Variants in TMBIM1 observed in about 807,000 individuals in gnomAD.
The protein encoded by TMBIM1 is protein lifeguard 3.
TMBIM1 carries 34 observed loss-of-function variants against 45.1 expected under a neutral mutation model. The ratio of observed to expected loss-of-function variants is 0.75; its 90% CI spans 0.57 to 1.00. The LOEUF (loss-of-function observed/expected upper bound fraction) is 1.00. Among genes scored for constraint, TMBIM1 ranks in the 50% least tolerant of loss-of-function variants. The probability of loss-of-function intolerance (pLI) is 0.00; values close to 1 mark genes in which losing one functional copy is unlikely to be tolerated. For synonymous variants in TMBIM1, 157 were observed against 153.5 expected (o/e 1.02, Z -0.17); for missense variants, 374 against 402.4 (o/e 0.93, Z 0.60).
chr2:218,286,452 G>A (rs1423175474), intron 1 of TMBIM1: 1 of 152,126 alleles, frequency 6.6e-6, no homozygotes, highest in Non-Finnish European at 1.5e-5. Context: ...TTCAGACTGT[G>A]CCCTATCCTT....
chr2:218,281,464 A>G (rs963727722), intron 2 of TMBIM1, among the ~76,000 whole-genome samples: 4 of 152,182 alleles, frequency 2.6e-5, no homozygotes, highest in African/African-American at 9.7e-5. Flanking sequence ...AAACACAAGC[A>G]TGTCCCTGCC....
chr2:218,286,744 G>A (rs1692545182), intron 1 of TMBIM1: 1 of 152,308 alleles, frequency 6.6e-6, no homozygotes, highest in African/African-American at 2.4e-5. Flanking sequence ...GGAGGCCTGA[G>A]CTACTGGGGT....
At chr2:218,288,273 C>G (rs915028790) in intron 1 of TMBIM1, among the ~76,000 whole-genome samples, 1 of 152,034 alleles carries the variant, frequency 6.6e-6, no homozygotes, top group Non-Finnish European at 1.5e-5. Flanking sequence ...CTAAAAAATA[C>G]AAAAAATTAG....
chr2:218,276,248 T>TA (rs1191165259), intron 10 of TMBIM1, among the ~76,000 whole-genome samples, 169 bp from the exon 11 acceptor site: 13 of 152,128 alleles, frequency 8.5e-5, no homozygotes, highest in Non-Finnish European at 1.5e-4. Flanking sequence ...AGACTGGTGA[T>TA]ATATCCAGCA....
At chr2:218,277,253 G>A (rs1414612462) in intron 9 of TMBIM1, 113 bp downstream of exon 9, 2 of 1,174,638 alleles carry the variant, frequency 1.7e-6, no homozygotes, top group Non-Finnish European at 2.6e-6. Flanking sequence ...TTTTGTAGGT[G>A]CGGATGAGGA....
rs1162240901 is a variant in TMBIM1 at position 218,282,002 on chromosome 2, T to C, written c.140A>G (p.Tyr47Cys). Residue 47 changes from tyrosine (Y) to cysteine (C), a missense_variant, in exon 2 of 12, where the codon TAC becomes TGC. Tyr to Cys is a radical substitution (Grantham distance 194, BLOSUM62 -2). Coordinates refer to ENST00000258412, the MANE Select transcript of TMBIM1 (RefSeq NM_022152.6). ...CTGTGGGTAGCCAGCAGGGTGACCGTAGCCAGGCTGCGGGTAGCCAGGGTA... is the reference window on the plus strand; with the variant it reads ...CTGTGGGTAGCCAGCAGGGTGACCGCAGCCAGGCTGCGGGTAGCCAGGGTA... ...PAYPGYPQPG[Y>C]GHPAGYPQPM... 1 of 1,607,670 alleles carries C rather than the reference T, an allele frequency of 6.2e-7. No individual in the cohort carries two copies.
At chr2:218,277,302 C>T (rs1691316963) in intron 9 of TMBIM1, 64 bp downstream of exon 9, 5 of 1,474,522 alleles carry the variant, frequency 3.4e-6, no homozygotes, top group East Asian at 2.3e-5. Context: ...CCTAGTGTGC[C>T]GGGGTCCGGG....
At chr2:218,288,879 A>C (rs559213388) in intron 1 of TMBIM1, among the ~76,000 whole-genome samples, 6 of 152,292 alleles carry the variant, frequency 3.9e-5, no homozygotes, top group Non-Finnish European at 1.5e-5. Flanking sequence ...ACCTATAGTA[A>C]CTAAGGCACA....
At chr2:218,284,221 C>G (rs375337373) in intron 1 of TMBIM1, 1 of 151,676 alleles carries the variant, frequency 6.6e-6, no homozygotes, top group Admixed American at 6.6e-5. Flanking sequence ...AAACCCCAAC[C>G]GTGATGTCAC....
At chr2:218,287,997 C>T (rs774912468) in intron 1 of TMBIM1, among the ~76,000 whole-genome samples, 4 of 152,252 alleles carry the variant, frequency 2.6e-5, no homozygotes, top group African/African-American at 4.8e-5. Flanking sequence ...AAGCCATTAG[C>T]AGGCTGATGC....
intron 3 of TMBIM1, chr2:218,279,554 C>T (rs955029053): frequency 9.3e-6 from 5 of 536,582 alleles, no homozygotes; most frequent in East Asian, 3.1e-5. Flanking sequence ...CTGCCATCTC[C>T]CCTCCTGTCC....
chr2:218,277,471 T>C lies in TMBIM1; in HGVS notation c.552-18A>G. On this transcript the variant is annotated intron_variant, in intron 8 of 11. Transcript: ENST00000258412. ...GGTACATACTGGGGAGAAGCAGGAG[T>C]TACAGACAAGAGGCATTAAGCCACG... 1 of 1,613,302 alleles carries C rather than the reference T, an allele frequency of 6.2e-7. No homozygotes were observed. Among genetic ancestry groups the C allele is most frequent in the African/African-American group, 1.3e-5 (1 of 74,840 alleles).
intron 6 of TMBIM1, 161 bp downstream of exon 6, chr2:218,278,354 T>C: frequency 1.4e-6 from 1 of 719,094 alleles, no homozygotes; most frequent in Non-Finnish European, 2.4e-6. Flanking sequence ...ACACACATGG[T>C]CCTTTGTATA....
chr2:218,277,940 G>A lies in TMBIM1; in HGVS notation c.508C>T (p.Leu170Phe), dbSNP rs145538425. 10 of 1,614,078 alleles carry A rather than the reference G, an allele frequency of 6.2e-6. No homozygotes were observed. Among genetic ancestry groups the A allele is most frequent in the African/African-American group, 1.3e-5 (1 of 74,938 alleles). ...RFPWNIILLT[L>F]FTFAMGFMTG... ...TGCCACCCTTCTAGACTTACAAAAA[G>A]GGTCAGCAGAATGATGTTCCATGGG... The change falls in exon 7 of 12, where the codon CTT becomes TTT. Residue 170 changes from leucine (L) to phenylalanine (F), a missense_variant. Coordinates refer to ENST00000258412, the MANE Select transcript of TMBIM1 (RefSeq NM_022152.6).
rs749606830 is a variant in TMBIM1 at position 218,277,354 on chromosome 2, C to G, written c.639+12G>C. 15 of 1,612,242 alleles carry G rather than the reference C, an allele frequency of 9.3e-6. No homozygotes were observed. Among genetic ancestry groups the G allele is most frequent in the Non-Finnish European group, 1.3e-5 (15 of 1,178,450 alleles). On this transcript the variant is annotated intron_variant, in intron 9 of 11. Coordinates refer to ENST00000258412, the MANE Select transcript of TMBIM1 (RefSeq NM_022152.6). Reference sequence around the variant, plus strand: ...AGTCGGGGGGCCAGGGAAGGGCCCTCCATGCCCTCACCTTGGTCTGAAAGC... The same window carrying G: ...AGTCGGGGGGCCAGGGAAGGGCCCTGCATGCCCTCACCTTGGTCTGAAAGC...
Position 218,280,155 on chromosome 2 carries a change from G to C in TMBIM1, c.203-29C>G, listed in dbSNP as rs146147286. 1.4e-4 allele frequency: 217 copies of C among 1,524,562 alleles called. 2 individuals carry two copies. Among genetic ancestry groups the C allele is most frequent in the African/African-American group, 1.4e-3 (100 of 73,386 alleles). The allele number at this position is 1,524,562 out of a possible 1,614,324, so 94.4% of individuals were successfully genotyped here. The stretch of plus-strand genomic sequence containing the variant: ...GGGACAGATGACACTTGACTCAGCT[G>C]GGGACCTGAGACATGTGGCGTCAAT... On this transcript the variant is annotated intron_variant, in intron 2 of 11. Coordinates refer to ENST00000258412, the MANE Select transcript of TMBIM1 (RefSeq NM_022152.6).
intron 3 of TMBIM1, 69 bp from the exon 4 acceptor site, chr2:218,279,422 C>G: frequency 2.1e-6 from 3 of 1,426,304 alleles, no homozygotes; most frequent in Non-Finnish European, 2.8e-6. Flanking sequence ...GCTGCCAGCC[C>G]CCAGTACTTT....
chr2:218,279,475 G>C, intron 3 of TMBIM1, 122 bp from the exon 4 acceptor site: 1 of 819,694 alleles, frequency 1.2e-6, no homozygotes. Context: ...CTGGCCCAGA[G>C]GCGACCCCAG....
In TMBIM1 at chr2:218,278,631, G is replaced by A. The variant is rs1691513819; in HGVS notation, c.423-66C>T. On this transcript the variant is annotated intron_variant, in intron 5 of 11. Transcript: ENST00000258412. ...TGCCCCGCTTGGCAGCACACACCAGGCCAGTGATTTGGGGCCCAAATAGCC... is the reference window on the plus strand; with the variant it reads ...TGCCCCGCTTGGCAGCACACACCAGACCAGTGATTTGGGGCCCAAATAGCC... The A allele has an allele frequency of 3.8e-6, 6 of 1,574,604 alleles. No individual in the cohort carries two copies. The Admixed American group carries it at 1.0e-4, about 26-fold the overall frequency.
Sources: allele counts gnomAD v4.1 joint callset (sites outside exome capture counted in the v4.1 genomes callset), GRCh38; gene constraint gnomAD v4.1.1; transcripts MANE v1.5; gene names NCBI Gene and HGNC (gene_info 2026-07-23, HGNC 2026-07-21).